Variants in PRKCE observed in about 807,000 individuals in gnomAD.
The protein encoded by PRKCE is protein kinase C epsilon type.
A neutral mutation model predicts 85.4 loss-of-function variants in PRKCE; 16 were observed. That is an observed-to-expected ratio of 0.19 (90% CI 0.13 to 0.28). The LOEUF is 0.28. Ranked by LOEUF, PRKCE falls within the 10% of genes least tolerant of loss-of-function variation. PRKCE has a pLI of 1.00. For missense variants in PRKCE, 573 were observed against 975.2 expected, an observed-to-expected ratio of 0.59 and a Z score of 5.49; for synonymous variants, 388 against 371.5, an observed-to-expected ratio of 1.04 and a Z score of -0.51.
chr2:45,875,630 G>C (rs1425403616), intron 2 of PRKCE, among the ~76,000 whole-genome samples: 1 of 152,182 alleles, frequency 6.6e-6, no homozygotes, highest in Admixed American at 6.5e-5. Flanking sequence ...TGATCAGGAA[G>C]ACAGTAAAGA....
At chr2:45,954,068 T>G (rs1481530603) in intron 2 of PRKCE, among the ~76,000 whole-genome samples, 3 of 152,252 alleles carry the variant, frequency 2.0e-5, no homozygotes, top group Non-Finnish European at 4.4e-5. Flanking sequence ...AATGTCATTT[T>G]CTATAAATCT....
chr2:46,028,627 A>G (rs1021904088), intron 10 of PRKCE, among the ~76,000 whole-genome samples: 10 of 152,216 alleles, frequency 6.6e-5, no homozygotes, highest in African/African-American at 2.4e-4. Flanking sequence ...TAACATTTAT[A>G]GAGTGTTTTC....
intron 1 of PRKCE, among the ~76,000 whole-genome samples, chr2:45,688,419 A>G (rs1448400524): frequency 6.6e-6 from 1 of 152,230 alleles, no homozygotes; most frequent in Non-Finnish European, 1.5e-5. Flanking sequence ...ATATTATTTT[A>G]AAGATACTGT....
chr2:45,761,766 T>A (rs1684524985), intron 1 of PRKCE, among the ~76,000 whole-genome samples: 1 of 152,138 alleles, frequency 6.6e-6, no homozygotes, highest in Non-Finnish European at 1.5e-5. Context: ...CCTATCTGAT[T>A]TCAAAGGTTT....
intron 2 of PRKCE, among the ~76,000 whole-genome samples, chr2:45,846,264 T>C (rs982762016): frequency 2.0e-5 from 3 of 152,212 alleles, no homozygotes; most frequent in Admixed American, 6.5e-5. Flanking sequence ...TCCCTTCATA[T>C]GATGTAATTT....
rs1010171877 is a variant in PRKCE, at chr2:45,895,347, G to C, written c.412+52284G>C. On this transcript the variant is annotated intron_variant, in intron 2 of 14. Coordinates refer to ENST00000306156, the MANE Select transcript of PRKCE (RefSeq NM_005400.3). This position sits in a 1 kb window ranked among gnomAD's most constrained non-coding sequence, Gnocchi z 4.8. ...ATATGGACTTAAGGGAGTTTCAGTC[G>C]GGGAAGAAAGTGGGACTTTTTCATT... Among the ~76,000 whole-genome samples, 1 of 152,034 alleles carries C rather than the reference G, an allele frequency of 6.6e-6. No homozygotes were observed. The highest frequency in any genetic ancestry group is 2.1e-4 in the South Asian group (1 of 4,806).
At chr2:46,099,347 CAG>C (rs1670993573) in intron 11 of PRKCE, among the ~76,000 whole-genome samples, 1 of 152,132 alleles carries the variant, frequency 6.6e-6, no homozygotes, top group South Asian at 2.1e-4. Flanking sequence ...TTGAGCCTAA[CAG>C]AGGTGCTCAT....
At chr2:45,914,800 G>A (rs1558827794) in intron 2 of PRKCE, among the ~76,000 whole-genome samples, 2 of 152,190 alleles carry the variant, frequency 1.3e-5, no homozygotes, top group Non-Finnish European at 2.9e-5. Flanking sequence ...GTATAGCTAT[G>A]TAGGAGCACT....
chr2:46,155,930 C>T lies in PRKCE; in HGVS notation c.1921-3676C>T, dbSNP rs1259741525. 6.6e-6 allele frequency among the ~76,000 whole-genome samples: 1 copy of T among 151,362 alleles called. No homozygotes were observed. The highest frequency in any genetic ancestry group is 2.4e-5 in the African/African-American group (1 of 41,068). On this transcript the variant is annotated intron_variant, in intron 13 of 14. Transcript: ENST00000306156. The surrounding 1 kb of genome is among the most constrained non-coding windows in gnomAD (Gnocchi z 4.7). Reference sequence around the variant, plus strand: ...GAGTGATCTCTTAGTGGGTGCAGCGCACCAGCATGGCACATGTATACATAT... The same window carrying T: ...GAGTGATCTCTTAGTGGGTGCAGCGTACCAGCATGGCACATGTATACATAT...
At chr2:46,090,220 G>C (rs992014460) in intron 11 of PRKCE, among the ~76,000 whole-genome samples, 19 of 152,094 alleles carry the variant, frequency 1.2e-4, no homozygotes, top group African/African-American at 4.6e-4. Flanking sequence ...CTGATATATG[G>C]AGTTCAGGAA....
At chr2:45,925,825 C>G (rs1242179694) in intron 2 of PRKCE, among the ~76,000 whole-genome samples, 2 of 152,218 alleles carry the variant, frequency 1.3e-5, no homozygotes, top group African/African-American at 4.8e-5. Context: ...TGGGCAAACT[C>G]TGGCAGGCTT....
chr2:45,710,704 C>T (rs996578357), intron 1 of PRKCE, among the ~76,000 whole-genome samples: 13 of 152,210 alleles, frequency 8.5e-5, no homozygotes, highest in African/African-American at 2.9e-4. Context: ...CAGGGATTTA[C>T]GGCTGTTACT....
chr2:46,052,595 A>T (rs1708923106), intron 10 of PRKCE, among the ~76,000 whole-genome samples: 1 of 152,252 alleles, frequency 6.6e-6, no homozygotes, highest in Non-Finnish European at 1.5e-5. Flanking sequence ...CATTCAATGC[A>T]GTCCCTAGTA....
At chr2:45,745,442 C>T (rs1683063937) in intron 1 of PRKCE, among the ~76,000 whole-genome samples, 1 of 152,114 alleles carries the variant, frequency 6.6e-6, no homozygotes, top group South Asian at 2.1e-4. Flanking sequence ...ATTTCGTCCC[C>T]TCTGCCCCAC....
intron 2 of PRKCE, among the ~76,000 whole-genome samples, chr2:45,920,501 C>T (rs1482337212): frequency 6.6e-6 from 1 of 152,162 alleles, no homozygotes; most frequent in Non-Finnish European, 1.5e-5. Flanking sequence ...GCAGAAGCAA[C>T]CCAAATGCCG....
chr2:45,899,634 C>T (rs765557593), intron 2 of PRKCE, among the ~76,000 whole-genome samples: 4 of 152,258 alleles, frequency 2.6e-5, no homozygotes, highest in Middle Eastern at 3.4e-3. Flanking sequence ...CTGCCTGCTT[C>T]GGCCTCCCAA....
At chr2:46,163,297 C>T (rs1404437039) in intron 14 of PRKCE, among the ~76,000 whole-genome samples, 1 of 150,548 alleles carries the variant, frequency 6.6e-6, no homozygotes, top group Non-Finnish European at 1.5e-5. Flanking sequence ...CCATAGAGGC[C>T]ACTGAGAGCC....
intron 1 of PRKCE, chr2:45,685,384 G>A (rs1466964508): frequency 6.6e-6 from 1 of 152,140 alleles, no homozygotes; most frequent in African/African-American, 2.4e-5. Flanking sequence ...TTAATTCTAT[G>A]ATTTGTCTTT....
intron 3 of PRKCE, among the ~76,000 whole-genome samples, chr2:45,977,942 T>C (rs1702588723): frequency 6.6e-6 from 1 of 152,208 alleles, no homozygotes; most frequent in South Asian, 2.1e-4. Context: ...GGATGCAGTA[T>C]GAACCCAGCC....
Sources: gnomAD v4.1 joint callset for allele counts (sites outside exome capture counted in the v4.1 genomes callset) on GRCh38, gnomAD v4.1.1 for gene constraint, Gnocchi (gnomAD v3.1) non-coding constraint, MANE v1.5 for transcripts, NCBI Gene and HGNC (gene_info 2026-07-23, HGNC 2026-07-21) for gene names.